Variants in HS6ST3 observed in about 807,000 individuals in gnomAD.
HS6ST3 encodes heparan sulfate 6-O-sulfotransferase 3.
Under a neutral mutation model 36.7 loss-of-function variants are expected in HS6ST3, and 12 were observed. That is an observed-to-expected ratio of 0.33 (90% CI 0.21 to 0.53). The LOEUF is 0.53. Among genes scored for constraint, HS6ST3 ranks in the 20% least tolerant of loss-of-function variants. HS6ST3 has a pLI of 0.95. For synonymous variants in HS6ST3, 240 were observed against 257.5 expected, an observed-to-expected ratio of 0.93 and a Z score of 0.65; for missense variants, 584 against 640.9, an observed-to-expected ratio of 0.91 and a Z score of 0.96.
intron 1 of HS6ST3, among the ~76,000 whole-genome samples, chr13:96,604,823 G>C (rs116678457): frequency 2.2e-3 from 341 of 152,104 alleles, no homozygotes; most frequent in African/African-American, 8.0e-3. Context: ...CTCTTAAGTT[G>C]GCATGGCACA....
At chr13:96,198,824 A>G (rs548749998) in intron 1 of HS6ST3, among the ~76,000 whole-genome samples, 1 of 152,104 alleles carries the variant, frequency 6.6e-6, no homozygotes, top group East Asian at 1.9e-4. Context: ...AACTGTTCCA[A>G]CCTCTGCCTG....
At chr13:96,288,600 A>C (rs1233414756) in intron 1 of HS6ST3, among the ~76,000 whole-genome samples, 1 of 152,116 alleles carries the variant, frequency 6.6e-6, no homozygotes, top group African/African-American at 2.4e-5. Flanking sequence ...ATTCCCAATA[A>C]AAATTCTAAG....
chr13:96,534,248 A>G (rs916434842), intron 1 of HS6ST3, among the ~76,000 whole-genome samples: 2 of 152,198 alleles, frequency 1.3e-5, no homozygotes, highest in Non-Finnish European at 2.9e-5. Context: ...GAGCAAATGG[A>G]TGCTCATGGA....
intron 1 of HS6ST3, among the ~76,000 whole-genome samples, chr13:96,770,323 AT>A (rs1221193352): frequency 6.6e-6 from 1 of 152,202 alleles, no homozygotes; most frequent in Non-Finnish European, 1.5e-5. Flanking sequence ...GTTTTCTGCC[AT>A]TTACCTATTC....
chr13:96,417,999 A>G (rs1035263604), intron 1 of HS6ST3, among the ~76,000 whole-genome samples: 12 of 152,130 alleles, frequency 7.9e-5, no homozygotes, highest in African/African-American at 2.9e-4. Context: ...ATTCATTAAC[A>G]CTGCCATGAC....
At chr13:96,627,745 C>A (rs1457485612) in intron 1 of HS6ST3, among the ~76,000 whole-genome samples, 1 of 151,706 alleles carries the variant, frequency 6.6e-6, no homozygotes, top group East Asian at 1.9e-4. Flanking sequence ...TTTTCTTGAG[C>A]CAGTTTTGAT....
chr13:96,557,726 C>G (rs1011310149), intron 1 of HS6ST3, among the ~76,000 whole-genome samples: 1 of 152,190 alleles, frequency 6.6e-6, no homozygotes, highest in African/African-American at 2.4e-5. Context: ...CAGACATCCT[C>G]TATCATGATA....
chr13:96,798,234 A>C (rs1041638926), intron 1 of HS6ST3, among the ~76,000 whole-genome samples: 1 of 152,010 alleles, frequency 6.6e-6, no homozygotes, highest in African/African-American at 2.4e-5. Flanking sequence ...CCTCGTCTTC[A>C]GCTATCCCGA....
At chr13:96,460,706 A>G (rs1051017347) in intron 1 of HS6ST3, among the ~76,000 whole-genome samples, 7 of 152,224 alleles carry the variant, frequency 4.6e-5, no homozygotes, top group Non-Finnish European at 1.0e-4. Context: ...TACTTCAGAT[A>G]ACAGAGGCTT....
At chr13:96,488,495 T>C (rs2055927463) in intron 1 of HS6ST3, among the ~76,000 whole-genome samples, 1 of 152,086 alleles carries the variant, frequency 6.6e-6, no homozygotes, top group Non-Finnish European at 1.5e-5. Context: ...TGTAAATTGG[T>C]TCATCATTCT....
At chr13:96,668,160 T>A (rs1376239193) in intron 1 of HS6ST3, among the ~76,000 whole-genome samples, 3 of 152,010 alleles carry the variant, frequency 2.0e-5, no homozygotes, top group East Asian at 3.9e-4. Context: ...TCTCTCTCTC[T>A]CACACACGCA....
intron 1 of HS6ST3, among the ~76,000 whole-genome samples, chr13:96,538,690 T>C (rs956201242): frequency 1.1e-4 from 16 of 152,312 alleles, no homozygotes; most frequent in South Asian, 4.1e-4. Flanking sequence ...GTGATCCGCC[T>C]GCCTCGGCCT....
At chr13:96,232,304 T>C (rs1017175803) in intron 1 of HS6ST3, among the ~76,000 whole-genome samples, 1 of 152,002 alleles carries the variant, frequency 6.6e-6, no homozygotes, top group African/African-American at 2.4e-5. Flanking sequence ...AAGACAAATG[T>C]GAAAGCTTCG....
intron 1 of HS6ST3, among the ~76,000 whole-genome samples, chr13:96,514,629 G>A (rs546500518): frequency 2.6e-5 from 4 of 152,102 alleles, no homozygotes; most frequent in Non-Finnish European, 5.9e-5. Flanking sequence ...GAAGAAAGGA[G>A]GCCTCAGAGG....
At chr13:96,159,291 T>G (rs2054125351) in intron 1 of HS6ST3, among the ~76,000 whole-genome samples, 1 of 152,232 alleles carries the variant, frequency 6.6e-6, no homozygotes, top group South Asian at 2.1e-4. Context: ...TTTTCAACTC[T>G]TGCCTGAGGG....
chr13:96,797,846 T>C (rs1414437022), intron 1 of HS6ST3, among the ~76,000 whole-genome samples: 2 of 152,030 alleles, frequency 1.3e-5, no homozygotes, highest in African/African-American at 4.8e-5. Flanking sequence ...CTGAGTGTCC[T>C]TCAATTCAAT....
At chr13:96,680,533 A>C (rs1279706712) in intron 1 of HS6ST3, among the ~76,000 whole-genome samples, 14 of 152,134 alleles carry the variant, frequency 9.2e-5, no homozygotes, top group African/African-American at 3.1e-4. Flanking sequence ...GGACACTTTC[A>C]TCACACAAGT....
In HS6ST3 at chr13:96,553,705, G is replaced by A. The variant is rs548742438; in HGVS notation, c.708-278785G>A. Among the ~76,000 whole-genome samples, 61 of 152,320 alleles carry A rather than the reference G, an allele frequency of 4.0e-4. No individual in the cohort carries two copies. The South Asian group carries it at 9.5e-3, about 24-fold the overall frequency. ...TGTCAGATTAATTCCACTAAATTAC[G>A]TTGAAGCTTCAGGTGGTAGTTCCAG... On this transcript the variant is annotated intron_variant, in intron 1 of 1. Transcript: ENST00000376705.
intron 1 of HS6ST3, among the ~76,000 whole-genome samples, chr13:96,315,481 G>C (rs935181789): frequency 2.8e-4 from 42 of 151,468 alleles, no homozygotes; most frequent in African/African-American, 9.9e-4. Flanking sequence ...TTGCATTTAG[G>C]TTTTTAGATT....
Sources: allele counts gnomAD v4.1 joint callset (sites outside exome capture counted in the v4.1 genomes callset), GRCh38; gene constraint gnomAD v4.1.1; transcripts MANE v1.5; gene names NCBI Gene and HGNC (gene_info 2026-07-23, HGNC 2026-07-21).